FHDC1: variants seen among roughly 807,000 people sequenced by gnomAD.
The protein encoded by FHDC1 is FH2 domain containing 1.
A neutral mutation model predicts 52.6 loss-of-function variants in FHDC1; 25 were observed. The observed-to-expected ratio is 0.48, with a 90% CI of 0.35 to 0.66. The LOEUF is 0.66. Ranked by LOEUF, FHDC1 falls within the 30% of genes least tolerant of loss-of-function variation. The probability of loss-of-function intolerance (pLI) is 0.01; values close to 1 mark genes in which losing one functional copy is unlikely to be tolerated. For synonymous variants in FHDC1, 616 were observed against 581.5 expected (o/e 1.06, Z -0.85); for missense variants, 1,459 against 1,452.8 (o/e 1.00, Z -0.07).
the FHDC1 span, among the ~76,000 whole-genome samples, chr4:152,931,310 AC>A: frequency 6.6e-6 from 1 of 151,984 alleles, no homozygotes; most frequent in Non-Finnish European, 1.5e-5. Flanking sequence ...TAACAGCCAG[AC>A]CCTACACAAA....
chr4:152,913,765 G>A, the FHDC1 span, among the ~76,000 whole-genome samples: 1 of 152,066 alleles, frequency 6.6e-6, no homozygotes, highest in Non-Finnish European at 1.5e-5. Flanking sequence ...TGCAACCTCC[G>A]CCTCCTGGGT....
At chr4:152,925,857 AGAG>A in the FHDC1 span, among the ~76,000 whole-genome samples, 1 of 133,426 alleles carries the variant, frequency 7.5e-6, no homozygotes, top group Non-Finnish European at 1.7e-5. Flanking sequence ...GAGAAGAAGG[AGAG>A]GAGAAGAAGG....
In FHDC1 at chr4:152,943,442, A is replaced by G; in HGVS notation, c.385A>G (p.Ile129Val). ...LAARQEHHYQ[I>V]DTKTIEELFG... Reference sequence around the variant, plus strand: ...AGCCAGGCAGGAACATCACTACCAAATTGATACAAAGACCATTGAGGAGCT... The same window carrying G: ...AGCCAGGCAGGAACATCACTACCAAGTTGATACAAAGACCATTGAGGAGCT... Residue 129 changes from isoleucine to valine, a missense_variant, in exon 2 of 12, where the codon ATT becomes GTT. By Grantham distance (29) the Ile-to-Val change is conservative. Transcript: ENST00000511601. The G allele has an allele frequency of 6.2e-7, 1 of 1,614,098 alleles. No homozygotes were observed. Among genetic ancestry groups the G allele is most frequent in the South Asian group, 1.1e-5 (1 of 91,066 alleles).
rs566957399 is a variant in FHDC1, at chr4:152,976,486, G to A, written c.3195G>A (p.Ser1065=). The A allele has an allele frequency of 1.9e-5, 30 of 1,613,514 alleles. No homozygotes were observed. In the South Asian group the frequency reaches 2.4e-4, roughly 13 times the overall value. The change falls in exon 12 of 12, where the codon TCG becomes TCA. Residue 1065 remains serine (S), a synonymous_variant. Coordinates refer to ENST00000511601, the MANE Select transcript of FHDC1 (RefSeq NM_001371116.1). Reference sequence around the variant, plus strand: ...CCCCCGGCATCACTCGGACAGTGTCGCAGCGGCAGCTGAGGGTGAAAGGGG... The same window carrying A: ...CCCCCGGCATCACTCGGACAGTGTCACAGCGGCAGCTGAGGGTGAAAGGGG... ...AKAPGITRTV[S]QRQLRVKGDP...
the FHDC1 span, chr4:152,917,183 T>A: frequency 2.0e-5 from 3 of 151,668 alleles, no homozygotes; most frequent in Non-Finnish European, 2.9e-5. Context: ...TAACTTTCTT[T>A]TAGCCTAATA....
In FHDC1 at chr4:152,974,908, C is replaced by T. The variant is rs1463706775; in HGVS notation, c.1617C>T (p.Ser539=). 2.5e-6 allele frequency: 4 copies of T among 1,611,470 alleles called. No individual in the cohort carries two copies. The South Asian group carries it at 4.4e-5, about 18-fold the overall frequency. ...ACCGGCCCCCGAACACCCGCCGCTC[C>T]CGCCTCTCCCTGGGTCCCTCTGCTG... The part of the protein sequence containing the change: ...PSYRPPNTRR[S]RLSLGPSADR... The change falls in exon 12 of 12, where the codon TCC becomes TCT. Residue 539 remains serine (S), a synonymous_variant. Coordinates refer to ENST00000511601, the MANE Select transcript of FHDC1 (RefSeq NM_001371116.1).
At chr4:152,965,177 T>C (rs915124903) in intron 9 of FHDC1, among the ~76,000 whole-genome samples, 10 of 152,204 alleles carry the variant, frequency 6.6e-5, no homozygotes, top group Non-Finnish European at 1.0e-4. Flanking sequence ...ATTTGTAAAC[T>C]AAAGAAACTA....
At chr4:152,911,497 C>T in the FHDC1 span, 1 of 152,388 alleles carries the variant, frequency 6.6e-6, no homozygotes, top group Non-Finnish European at 1.5e-5. Context: ...CTGTCCACTA[C>T]ATGGTTCTAT....
rs1740921898 is a variant in FHDC1, at chr4:152,977,075, T to G, written c.*352T>G. ...AAAAAAGTTTTTTTCAGGCCAGTTT[T>G]TATATATCAAAGACTTTCTTTTTAA... On this transcript the variant is annotated 3_prime_UTR_variant, in exon 12 of 12. Coordinates refer to ENST00000511601, the MANE Select transcript of FHDC1 (RefSeq NM_001371116.1). 1 of 184,798 alleles carries G rather than the reference T, an allele frequency of 5.4e-6. No individual in the cohort carries two copies. The highest frequency in any genetic ancestry group is 1.1e-5 in the Non-Finnish European group (1 of 89,840). The allele number at this position is 184,798 out of a possible 1,614,324, so 11.4% of individuals were successfully genotyped here.
At chr4:152,925,872 G>GAA in the FHDC1 span, among the ~76,000 whole-genome samples, 1 of 55,706 alleles carries the variant, frequency 1.8e-5, no homozygotes, top group Non-Finnish European at 4.6e-5. Context: ...AGAAGAAGGA[G>GAA]GAGAAGGAGG....
At position 152,960,848 on chromosome 4, in the gene FHDC1, A is replaced by G; in HGVS notation, c.850+4A>G. The G allele has an allele frequency of 7.0e-6, 11 of 1,566,370 alleles. No individual in the cohort carries two copies. The highest frequency in any genetic ancestry group is 9.5e-6 in the Non-Finnish European group (11 of 1,158,446). On this transcript the variant is annotated splice_donor_region_variant and intron_variant, in intron 6 of 11. Transcript: ENST00000511601. ...GTTTTAAGAACTGCTATAAAAGGTG[A>G]GTCAACATATGATCCTTCGCAGAAT...
At chr4:152,966,169 A>G (rs1397260875) in intron 9 of FHDC1, among the ~76,000 whole-genome samples, 1 of 152,220 alleles carries the variant, frequency 6.6e-6, no homozygotes, top group Admixed American at 6.5e-5. Context: ...TTAGCATTAT[A>G]TTTTTGAAAT....
At chr4:152,942,472 T>A (rs183520468) in intron 1 of FHDC1, among the ~76,000 whole-genome samples, 1 of 152,322 alleles carries the variant, frequency 6.6e-6, no homozygotes, top group Admixed American at 6.5e-5. Flanking sequence ...AGGTGCAAGA[T>A]GCCTTTTTTG....
chr4:152,975,965 C>G lies in FHDC1; in HGVS notation c.2674C>G (p.Arg892Gly). Residue 892 changes from arginine to glycine, a missense_variant, in exon 12 of 12, where the codon CGG becomes GGG. Coordinates refer to ENST00000511601, the MANE Select transcript of FHDC1 (RefSeq NM_001371116.1). ...RSQGAVAKSV[R>G]TLTASENESM... ...CCAGGGGGCAGTGGCCAAGTCTGTG[C>G]GGACCCTGACCGCCTCAGAGAACGA... is the stretch of plus-strand genomic sequence containing the variant. 6.6e-7 allele frequency: 1 copy of G among 1,522,426 alleles called. No individual in the cohort carries two copies. The highest frequency in any genetic ancestry group is 8.8e-7 in the Non-Finnish European group (1 of 1,137,696). The allele number at this position is 1,522,426 out of a possible 1,614,324, so 94.3% of individuals were successfully genotyped here.
the FHDC1 span, among the ~76,000 whole-genome samples, chr4:152,930,962 AACACACACACACACAC>A: frequency 9.5e-6 from 1 of 104,746 alleles, no homozygotes. Flanking sequence ...TCCCCAGGGA[AACACACACACACACAC>A]ACACACACAC....
intron 2 of FHDC1, among the ~76,000 whole-genome samples, chr4:152,951,200 C>A (rs186891931): frequency 6.6e-6 from 1 of 152,216 alleles, no homozygotes; most frequent in Non-Finnish European, 1.5e-5. Flanking sequence ...GTTCTTTGAA[C>A]GTGCTGTGTA....
intron 1 of FHDC1, among the ~76,000 whole-genome samples, chr4:152,940,625 A>T (rs1739549457): frequency 6.6e-6 from 1 of 152,218 alleles, no homozygotes; most frequent in African/African-American, 2.4e-5. Flanking sequence ...CATATACAGC[A>T]CTGAATGAGT....
intron 2 of FHDC1, among the ~76,000 whole-genome samples, chr4:152,953,294 TACC>T (rs1739981685): frequency 6.6e-6 from 1 of 152,238 alleles, no homozygotes; most frequent in Non-Finnish European, 1.5e-5. Context: ...GGAAATATAA[TACC>T]ACTGTAGAAA....
intron 2 of FHDC1, among the ~76,000 whole-genome samples, chr4:152,947,216 C>CAAAAAAAA (rs781228959): frequency 8.6e-5 from 6 of 69,930 alleles, no homozygotes; most frequent in Non-Finnish European, 8.9e-5. Context: ...AAGACTGTCT[C>CAAAAAAAA]AAAAAAAAAA....
Sources: allele counts gnomAD v4.1 joint callset (sites outside exome capture counted in the v4.1 genomes callset), GRCh38; gene constraint gnomAD v4.1.1; transcripts MANE v1.5; gene names NCBI Gene and HGNC (gene_info 2026-07-23, HGNC 2026-07-21).